SEMA3A: variants seen among roughly 807,000 people sequenced by gnomAD.
The protein encoded by SEMA3A is semaphorin 3A.
SEMA3A carries 29 observed loss-of-function variants against 97.9 expected under a neutral mutation model. The ratio of observed to expected loss-of-function variants is 0.30; its 90% CI spans 0.22 to 0.40. The LOEUF is 0.40. Among genes scored for constraint, SEMA3A ranks in the 10% least tolerant of loss-of-function variants. The pLI is 1.00. For missense variants in SEMA3A, 763 were observed against 951.3 expected, an observed-to-expected ratio of 0.80 and a Z score of 2.60; for synonymous variants, 321 against 323.7, an observed-to-expected ratio of 0.99 and a Z score of 0.09.
chr7:84,234,628 G>T (rs1040101620), intron 3 of SEMA3A, among the ~76,000 whole-genome samples: 2 of 152,050 alleles, frequency 1.3e-5, no homozygotes, highest in African/African-American at 4.8e-5. Flanking sequence ...CAACTCCAAA[G>T]ACCTCGATTT....
chr7:83,988,725 CA>C (rs1474560668), intron 12 of SEMA3A, among the ~76,000 whole-genome samples: 2 of 151,808 alleles, frequency 1.3e-5, no homozygotes, highest in Non-Finnish European at 1.5e-5. Flanking sequence ...TAATTTTACA[CA>C]AAAATTATCA....
chr7:84,242,040 A>G (rs774466386), intron 3 of SEMA3A, among the ~76,000 whole-genome samples: 2 of 152,110 alleles, frequency 1.3e-5, no homozygotes, highest in Admixed American at 6.6e-5. Context: ...GCCTTGTAGT[A>G]TAGTTTCAAG....
At chr7:84,002,962 G>A (rs1790520933) in intron 11 of SEMA3A, among the ~76,000 whole-genome samples, 1 of 152,100 alleles carries the variant, frequency 6.6e-6, no homozygotes, top group Non-Finnish European at 1.5e-5. Context: ...ATGAGGAACA[G>A]GGGCTTATTA....
chr7:84,081,597 A>G (rs1303959875), intron 4 of SEMA3A, among the ~76,000 whole-genome samples: 1 of 145,290 alleles, frequency 6.9e-6, no homozygotes, highest in Non-Finnish European at 1.5e-5. Context: ...CGTCTCTTAA[A>G]AAAAAAAAAA....
At chr7:84,382,834 T>C (rs887422884) in intron 1 of SEMA3A, among the ~76,000 whole-genome samples, 5 of 151,754 alleles carry the variant, frequency 3.3e-5, no homozygotes, top group East Asian at 1.9e-4. Flanking sequence ...GCCGAGATCA[T>C]GCCACTGCAC....
chr7:84,259,872 T>C (rs945902891), intron 3 of SEMA3A, among the ~76,000 whole-genome samples: 41 of 149,348 alleles, frequency 2.7e-4, no homozygotes, highest in African/African-American at 8.8e-4. Context: ...GAAATTGGCA[T>C]AAAATGGCAT....
At chr7:84,212,967 A>AT (rs1401518935) in intron 3 of SEMA3A, among the ~76,000 whole-genome samples, 3 of 151,760 alleles carry the variant, frequency 2.0e-5, no homozygotes, top group African/African-American at 4.8e-5. Context: ...TTATTTCTTA[A>AT]TTTTTTCTTT....
At chr7:84,068,851 C>G (rs1793639235) in intron 4 of SEMA3A, among the ~76,000 whole-genome samples, 1 of 152,116 alleles carries the variant, frequency 6.6e-6, no homozygotes, top group African/African-American at 2.4e-5. Context: ...AGATGAAAAA[C>G]TATCCTTCGT....
intron 1 of SEMA3A, among the ~76,000 whole-genome samples, chr7:84,176,988 G>C (rs1797587829): frequency 6.6e-6 from 1 of 152,020 alleles, no homozygotes; most frequent in African/African-American, 2.4e-5. Flanking sequence ...CAAGTTGCTT[G>C]GCAGTATTTT....
At chr7:84,169,973 T>C (rs1394981278) in intron 1 of SEMA3A, among the ~76,000 whole-genome samples, 4 of 151,846 alleles carry the variant, frequency 2.6e-5, no homozygotes, top group Non-Finnish European at 5.9e-5. Flanking sequence ...AAAAATAACA[T>C]GCCCTCATTA....
intron 5 of SEMA3A, among the ~76,000 whole-genome samples, chr7:84,050,616 G>C (rs1320615271): frequency 2.0e-5 from 3 of 151,950 alleles, no homozygotes; most frequent in Non-Finnish European, 2.9e-5. Context: ...TTAGCCCTTT[G>C]TCAGATGAGT....
intron 15 of SEMA3A, among the ~76,000 whole-genome samples, chr7:83,964,158 A>C (rs1788581978): frequency 6.6e-6 from 1 of 152,168 alleles, no homozygotes; most frequent in South Asian, 2.1e-4. Flanking sequence ...AATGTGGTAA[A>C]TGAAACACAG....
chr7:83,996,877 T>C (rs530733438), intron 12 of SEMA3A, among the ~76,000 whole-genome samples: 1 of 152,324 alleles, frequency 6.6e-6, no homozygotes, highest in Admixed American at 6.5e-5. Flanking sequence ...TCACCTCTTA[T>C]TACCTATTAA....
chr7:84,001,885 A>G (rs1790467887), intron 12 of SEMA3A, 70 bp downstream of exon 12: 2 of 1,023,062 alleles, frequency 2.0e-6, no homozygotes, highest in East Asian at 2.5e-5. Flanking sequence ...TACCAAGTTC[A>G]GTGTGCAGCT....
chr7:84,430,302 T>C (rs1394289707), intron 1 of SEMA3A, among the ~76,000 whole-genome samples: 1 of 151,934 alleles, frequency 6.6e-6, no homozygotes, highest in Non-Finnish European at 1.5e-5. Flanking sequence ...CAAGCAAAAG[T>C]AAGTTTTAAA....
chr7:84,157,496 G>A (rs1231771107), intron 1 of SEMA3A, among the ~76,000 whole-genome samples: 1 of 152,190 alleles, frequency 6.6e-6, no homozygotes, highest in East Asian at 1.9e-4. Flanking sequence ...GGACGCTGGA[G>A]AGCAGATCTG....
chr7:84,246,419 CTG>C (rs991063659), intron 3 of SEMA3A, among the ~76,000 whole-genome samples: 4 of 152,092 alleles, frequency 2.6e-5, no homozygotes, highest in African/African-American at 9.7e-5. Flanking sequence ...GAAATATAAA[CTG>C]TTCATATGGT....
intron 12 of SEMA3A, among the ~76,000 whole-genome samples, chr7:83,993,680 G>T (rs1352481441): frequency 8.9e-6 from 1 of 111,756 alleles, no homozygotes; most frequent in Non-Finnish European, 1.8e-5. Context: ...TCTGCTGAGA[G>T]ATCTGCTGTT....
At chr7:84,220,443 G>A (rs1250500718) in intron 3 of SEMA3A, among the ~76,000 whole-genome samples, 1 of 152,066 alleles carries the variant, frequency 6.6e-6, no homozygotes, top group Non-Finnish European at 1.5e-5. Context: ...CGTTCTTCAT[G>A]GCAACTAGAA....
Sources: gnomAD v4.1 joint callset for allele counts (sites outside exome capture counted in the v4.1 genomes callset) on GRCh38, gnomAD v4.1.1 for gene constraint, MANE v1.5 for transcripts, NCBI Gene and HGNC (gene_info 2026-07-23, HGNC 2026-07-21) for gene names.